SLC23A2: variants seen among roughly 807,000 people sequenced by gnomAD.
The protein encoded by SLC23A2 is Na(+)/L-ascorbic acid transporter 2.
SLC23A2 carries 36 observed loss-of-function variants against 73.3 expected under a neutral mutation model. The observed-to-expected ratio is 0.49, with a 90% CI of 0.38 to 0.65. SLC23A2 has a LOEUF of 0.65. SLC23A2 is among the 30% of genes least tolerant of loss of function. The pLI, the probability that SLC23A2 is intolerant of heterozygous loss-of-function variation, is 0.00. For synonymous variants in SLC23A2, 343 were observed against 327.3 expected (o/e 1.05, Z -0.52); for missense variants, 507 against 841.6 (o/e 0.60, Z 4.92).
chr20:4,915,863 G>A (rs1279940403), intron 3 of SLC23A2, among the ~76,000 whole-genome samples: 3 of 152,142 alleles, frequency 2.0e-5, no homozygotes, highest in African/African-American at 4.8e-5. Context: ...CAGGAGAATC[G>A]CTTGAATCCA....
Position 4,857,341 on chromosome 20 carries a change from C to G in SLC23A2, c.1721-137G>C, listed in dbSNP as rs1929765918. On this transcript the variant is annotated intron_variant, in intron 16 of 16. Coordinates refer to ENST00000338244, the MANE Select transcript of SLC23A2 (RefSeq NM_005116.6). The surrounding 1 kb of genome is among the most constrained non-coding windows in gnomAD (Gnocchi z 4.0). Reference sequence around the variant, plus strand: ...ACACACACACACACACACACATGGTCCCACAGATCAAACCTGCCTAGATAA... The same window carrying G: ...ACACACACACACACACACACATGGTGCCACAGATCAAACCTGCCTAGATAA... The G allele has an allele frequency of 3.4e-6, 2 of 594,760 alleles. No homozygotes were observed. The highest frequency in any genetic ancestry group is 5.9e-6 in the Non-Finnish European group (2 of 337,676). The allele number at this position is 594,760 out of a possible 1,614,324, so 36.8% of individuals were successfully genotyped here.
chr20:4,979,469 C>A (rs1343369908), intron 1 of SLC23A2, among the ~76,000 whole-genome samples: 1 of 151,736 alleles, frequency 6.6e-6, no homozygotes, highest in Non-Finnish European at 1.5e-5. Context: ...CTTTGGGAAG[C>A]CCAGGCAGGA....
At position 4,947,252 on chromosome 20, in the gene SLC23A2, C is replaced by T. The variant is rs184617364; in HGVS notation, c.-154-14536G>A. Among the ~76,000 whole-genome samples the T allele has an allele frequency of 6.6e-6, 1 of 152,232 alleles. No homozygotes were observed. Among genetic ancestry groups the T allele is most frequent in the East Asian group, 1.9e-4 (1 of 5,176 alleles). Reference sequence around the variant, plus strand: ...CAAATACTTGGGGAAATCCCTGACTCGTTCAGGGAAATCTTGTGGCTGGGA... The same window carrying T: ...CAAATACTTGGGGAAATCCCTGACTTGTTCAGGGAAATCTTGTGGCTGGGA... On this transcript the variant is annotated intron_variant, in intron 2 of 16. Coordinates refer to ENST00000338244, the MANE Select transcript of SLC23A2 (RefSeq NM_005116.6). This position sits in a 1 kb window ranked among gnomAD's most constrained non-coding sequence, Gnocchi z 4.4.
intron 9 of SLC23A2, among the ~76,000 whole-genome samples, chr20:4,876,870 T>C (rs1182673678): frequency 6.6e-6 from 1 of 152,218 alleles, no homozygotes; most frequent in African/African-American, 2.4e-5. Context: ...TCCCCAGACA[T>C]GAACAGGTTA....
rs549789067 is a variant in SLC23A2 at position 4,952,104 on chromosome 20, A to G, written c.-155+18689T>C. ...GGGCGACAGAGCAAGACTCTGACTC[A>G]AAAAAAAAAAAAAAAAAAAAAAAAG... On this transcript the variant is annotated intron_variant, in intron 2 of 16. Transcript: ENST00000338244. Among the ~76,000 whole-genome samples, 26 of 49,156 alleles carry G rather than the reference A, an allele frequency of 5.3e-4. No individual in the cohort carries two copies. The South Asian group carries it at 0.011, about 20-fold the overall frequency. The allele number at this position is 49,156 out of a possible 152,430, so 32.2% of individuals were successfully genotyped here. A position where few individuals can be genotyped will look rare whatever the true frequency, so the allele number is the denominator to read the frequency against.
chr20:4,891,637 G>A (rs770767064), intron 6 of SLC23A2, among the ~76,000 whole-genome samples: 6 of 152,220 alleles, frequency 3.9e-5, no homozygotes, highest in Non-Finnish European at 7.3e-5. Flanking sequence ...GCCCTTGCTC[G>A]CTGTGCACCC....
intron 2 of SLC23A2, among the ~76,000 whole-genome samples, chr20:4,962,764 C>T (rs1256944292): frequency 4.7e-5 from 5 of 105,420 alleles, no homozygotes; most frequent in African/African-American, 1.5e-4. Flanking sequence ...TTTGGGAGGT[C>T]GAGGCAATGG....
At position 4,899,460 on chromosome 20, in the gene SLC23A2, T is replaced by A; in HGVS notation, c.482+95A>T. 6.9e-7 allele frequency: 1 copy of A among 1,458,908 alleles called. No homozygotes were observed. The highest frequency in any genetic ancestry group is 9.5e-7 in the Non-Finnish European group (1 of 1,050,328). The allele number at this position is 1,458,908 out of a possible 1,614,324, so 90.4% of individuals were successfully genotyped here. On this transcript the variant is annotated intron_variant, in intron 6 of 16. Coordinates refer to ENST00000338244, the MANE Select transcript of SLC23A2 (RefSeq NM_005116.6). The surrounding 1 kb of genome is among the most constrained non-coding windows in gnomAD (Gnocchi z 4.9). ...CATTCCCGTGCCTCCATTCTGTCCTTGCCAACAGCCCTAGGCAAACGGCGC... is the reference window on the plus strand; with the variant it reads ...CATTCCCGTGCCTCCATTCTGTCCTAGCCAACAGCCCTAGGCAAACGGCGC...
At chr20:4,873,806 C>T (rs1930545841) in intron 11 of SLC23A2, 130 bp downstream of exon 11, 4 of 870,584 alleles carry the variant, frequency 4.6e-6, no homozygotes, top group Non-Finnish European at 7.0e-6. Context: ...GCTGTCTAAT[C>T]CTCTCCTGAC....
chr20:4,913,686 GCGTGATCT>G (rs1932234045), intron 3 of SLC23A2, among the ~76,000 whole-genome samples: 2 of 152,050 alleles, frequency 1.3e-5, no homozygotes, highest in African/African-American at 4.8e-5. Context: ...GAATGCAATG[GCGTGATCT>G]CGGCTCACTG....
intron 2 of SLC23A2, among the ~76,000 whole-genome samples, chr20:4,961,599 C>T (rs926962414): frequency 2.0e-5 from 3 of 151,866 alleles, no homozygotes; most frequent in Non-Finnish European, 4.4e-5. Flanking sequence ...TATGTGTGGC[C>T]CAGGGAAGCC....
chr20:4,929,215 G>A (rs1230853522), intron 3 of SLC23A2, among the ~76,000 whole-genome samples: 1 of 151,770 alleles, frequency 6.6e-6, no homozygotes, highest in East Asian at 1.9e-4. Flanking sequence ...GCAGTGAGCT[G>A]TGATTGCTCC....
chr20:4,986,689 C>CACACACACACAG lies in SLC23A2; in HGVS notation c.-282+14716_-282+14717insCTGTGTGTGTGT, dbSNP rs71197739. 2.4e-3 allele frequency among the ~76,000 whole-genome samples: 315 copies of CACACACACACAG among 129,898 alleles called. 1 individual carries two copies. The highest frequency in any genetic ancestry group is 0.021 in the South Asian group (76 of 3,600). 85.2% of individuals were successfully genotyped at this position (129,898 alleles called of 152,430 possible). A position where few individuals can be genotyped will look rare whatever the true frequency, so the allele number is the denominator to read the frequency against. On this transcript the variant is annotated intron_variant, in intron 1 of 16. Coordinates refer to ENST00000338244, the MANE Select transcript of SLC23A2 (RefSeq NM_005116.6). ...ACACACACACACACACACACACACA[C>CACACACACACAG]AGAGATGAATATAAATAGAGAGAAG...
chr20:4,875,457 G>A (rs1363807555), intron 9 of SLC23A2, among the ~76,000 whole-genome samples: 1 of 152,190 alleles, frequency 6.6e-6, no homozygotes, highest in African/African-American at 2.4e-5. Flanking sequence ...TAGGGTTGTA[G>A]CACTGGGGAC....
chr20:4,882,311 G>A (rs186124811), intron 9 of SLC23A2, among the ~76,000 whole-genome samples: 232 of 152,178 alleles, frequency 1.5e-3, no homozygotes, highest in African/African-American at 5.1e-3. Context: ...GGAGGTGGAG[G>A]TTGCAGTGAG....
intron 15 of SLC23A2, among the ~76,000 whole-genome samples, chr20:4,859,935 C>T (rs772730441): frequency 3.3e-5 from 5 of 152,200 alleles, no homozygotes; most frequent in African/African-American, 4.8e-5. Context: ...TATCCACACA[C>T]TTTCCATCCG....
chr20:4,862,856 C>T lies in SLC23A2; in HGVS notation c.1408G>A (p.Gly470Ser). Residue 470 changes from glycine to serine, a missense_variant, in exon 14 of 17, where the codon GGC (glycine) becomes AGC (serine). Transcript: ENST00000338244. This position sits in a 1 kb window ranked among gnomAD's most constrained non-coding sequence, Gnocchi z 5.1. ...QCGAALMLAL[G>S]MIGKFSALFA... ...AGGGCGCTGAACTTCCCGATCATGC[C>T]CAGAGCGAGCATGAGGGCTGCTCCG... is the stretch of plus-strand genomic sequence containing the variant. 1 of 1,613,736 alleles carries T rather than the reference C, an allele frequency of 6.2e-7. No homozygotes were observed. The highest frequency in any genetic ancestry group is 8.5e-7 in the Non-Finnish European group (1 of 1,179,788).
At position 4,899,018 on chromosome 20, in the gene SLC23A2, G is replaced by A. The variant is rs1363898226; in HGVS notation, c.482+537C>T. ...TGAGGCCAGGGAAGGCAGGAGACAG[G>A]GCTCAGAGGCATGGCTGGAGATGGA... On this transcript the variant is annotated intron_variant, in intron 6 of 16. Coordinates refer to ENST00000338244, the MANE Select transcript of SLC23A2 (RefSeq NM_005116.6). This position sits in a 1 kb window ranked among gnomAD's most constrained non-coding sequence, Gnocchi z 4.9. Among the ~76,000 whole-genome samples, 1 of 152,160 alleles carries A rather than the reference G, an allele frequency of 6.6e-6. No homozygotes were observed. The highest frequency in any genetic ancestry group is 1.5e-5 in the Non-Finnish European group (1 of 68,020).
At chr20:4,922,381 G>T (rs1186204155) in intron 3 of SLC23A2, among the ~76,000 whole-genome samples, 1 of 152,198 alleles carries the variant, frequency 6.6e-6, no homozygotes, top group Non-Finnish European at 1.5e-5. Flanking sequence ...GCAGGATGAA[G>T]GCAGGGGGAT....
Sources: gnomAD v4.1 joint callset for allele counts (sites outside exome capture counted in the v4.1 genomes callset) on GRCh38, gnomAD v4.1.1 for gene constraint, Gnocchi (gnomAD v3.1) non-coding constraint, MANE v1.5 for transcripts, NCBI Gene and HGNC (gene_info 2026-07-23, HGNC 2026-07-21) for gene names.